MPDZ: variants seen among roughly 807,000 people sequenced by gnomAD.
MPDZ encodes the protein multiple PDZ domain protein.
A neutral mutation model predicts 239.1 loss-of-function variants in MPDZ; 234 were observed. The ratio of observed to expected loss-of-function variants is 0.98; its 90% CI spans 0.88 to 1.09. MPDZ has a LOEUF of 1.09. Ranked by LOEUF, MPDZ falls within the 50% of genes least tolerant of loss-of-function variation. The pLI is 0.00. For missense variants in MPDZ, 3,175 were observed against 2,510.0 expected, an observed-to-expected ratio of 1.26 and a Z score of -5.66; for synonymous variants, 1,048 against 881.3, an observed-to-expected ratio of 1.19 and a Z score of -3.35.
At chr9:13,233,362 A>C (rs553683579) in intron 3 of MPDZ, among the ~76,000 whole-genome samples, 1 of 152,154 alleles carries the variant, frequency 6.6e-6, no homozygotes, top group Non-Finnish European at 1.5e-5. Context: ...CTACACATAC[A>C]ATACAAATGA....
chr9:13,227,837 G>C, intron 3 of MPDZ, among the ~76,000 whole-genome samples: 1 of 152,104 alleles, frequency 6.6e-6, no homozygotes, highest in East Asian at 1.9e-4. Flanking sequence ...AGAGGTTATA[G>C]AGATCACATA....
chr9:13,155,927 G>GT (rs1296910627), intron 24 of MPDZ, among the ~76,000 whole-genome samples: 1 of 152,132 alleles, frequency 6.6e-6, no homozygotes, highest in Non-Finnish European at 1.5e-5. Flanking sequence ...TATTCTTCAC[G>GT]TAAGGTTGTT....
intron 27 of MPDZ, among the ~76,000 whole-genome samples, chr9:13,140,506 T>C: frequency 6.7e-6 from 1 of 149,440 alleles, no homozygotes; most frequent in African/African-American, 2.4e-5. Flanking sequence ...TATGTATATA[T>C]ATAGATAGAT....
At chr9:13,240,990 A>G (rs1204382167) in intron 3 of MPDZ, among the ~76,000 whole-genome samples, 1 of 152,212 alleles carries the variant, frequency 6.6e-6, no homozygotes. Context: ...ATGCATAGCC[A>G]ATAGCAAGAT....
At chr9:13,243,459 T>A (rs770816755) in intron 3 of MPDZ, among the ~76,000 whole-genome samples, 4 of 152,160 alleles carry the variant, frequency 2.6e-5, no homozygotes, top group Non-Finnish European at 2.9e-5. Context: ...ATGTGACTTT[T>A]TTTTTGGTCT....
At position 13,112,170 on chromosome 9, in the gene MPDZ, T is replaced by A. The variant is rs771068835; in HGVS notation, c.5602-24A>T. On this transcript the variant is annotated intron_variant, in intron 42 of 46. Coordinates refer to ENST00000319217, the MANE Select transcript of MPDZ (RefSeq NM_001378778.1). ...CCCTGCCATGGAACAGATATAAAAT[T>A]TTGGTCAAAGTGATATTTTTCATTG... is the stretch of plus-strand genomic sequence containing the variant. 3.1e-6 allele frequency: 5 copies of A among 1,589,048 alleles called. No homozygotes were observed. The East Asian group carries it at 9.0e-5, about 29-fold the overall frequency.
At chr9:13,181,034 T>C (rs190084013) in intron 19 of MPDZ, among the ~76,000 whole-genome samples, 3 of 152,234 alleles carry the variant, frequency 2.0e-5, no homozygotes, top group South Asian at 2.1e-4. Context: ...TCTGGTAGTA[T>C]ACCTGACGAA....
chr9:13,159,042 G>A (rs1263312635), intron 23 of MPDZ, among the ~76,000 whole-genome samples: 4 of 152,242 alleles, frequency 2.6e-5, no homozygotes, highest in African/African-American at 9.6e-5. Flanking sequence ...TACAGAAACT[G>A]AAGAATCAAA....
At chr9:13,217,432 G>A (rs1270707606) in intron 8 of MPDZ, 138 bp from the exon 9 acceptor site, 2 of 604,876 alleles carry the variant, frequency 3.3e-6, no homozygotes, top group Non-Finnish European at 5.7e-6. Flanking sequence ...AATTATAGCA[G>A]AGACGATTCC....
chr9:13,203,247 A>C (rs1263195594), intron 12 of MPDZ, among the ~76,000 whole-genome samples: 1 of 152,188 alleles, frequency 6.6e-6, no homozygotes, highest in Non-Finnish European at 1.5e-5. Context: ...GGAAGCTTTG[A>C]ACTGATTCTG....
chr9:13,211,722 G>C (rs1999395), intron 10 of MPDZ, among the ~76,000 whole-genome samples: 61,565 of 151,852 alleles, frequency 0.41, 13,995 homozygotes, highest in African/African-American at 0.61. Context: ...TATCACAACA[G>C]ACCTACATGT....
chr9:13,188,416 T>C (rs1213652211), intron 17 of MPDZ, among the ~76,000 whole-genome samples: 1 of 151,776 alleles, frequency 6.6e-6, no homozygotes, highest in African/African-American at 2.4e-5. Context: ...CAGGAGGTCT[T>C]AGGAGGCAGG....
At position 13,239,203 on chromosome 9, in the gene MPDZ, T is replaced by A. The variant is rs1452266177; in HGVS notation, c.183+8432A>T. Among the ~76,000 whole-genome samples the A allele has an allele frequency of 2.6e-5, 4 of 152,252 alleles. No individual in the cohort carries two copies. In the South Asian group the frequency reaches 6.2e-4, roughly 24 times the overall value. On this transcript the variant is annotated intron_variant, in intron 3 of 46. Coordinates refer to ENST00000319217, the MANE Select transcript of MPDZ (RefSeq NM_001378778.1). The stretch of plus-strand genomic sequence containing the variant: ...TAGACCACGCTGCCACAATCTGAGA[T>A]CAGATAATCATAAGAAGCCCTCAAA...
intron 25 of MPDZ, among the ~76,000 whole-genome samples, chr9:13,148,650 A>T (rs919137446): frequency 6.6e-6 from 1 of 152,014 alleles, no homozygotes; most frequent in South Asian, 2.1e-4. Flanking sequence ...TATGTCTACT[A>T]TATATTCCAT....
chr9:13,183,677 T>A (rs1476902293), intron 18 of MPDZ, 92 bp from the exon 19 acceptor site: 5 of 1,203,758 alleles, frequency 4.2e-6, no homozygotes, highest in Non-Finnish European at 6.0e-6. Context: ...CAAACTGGTA[T>A]CATTCTTTTA....
intron 1 of MPDZ, among the ~76,000 whole-genome samples, chr9:13,271,713 G>T (rs1347449801): frequency 6.6e-6 from 1 of 152,076 alleles, no homozygotes; most frequent in Non-Finnish European, 1.5e-5. Context: ...ACAAAACCAA[G>T]AATGAATACG....
chr9:13,243,724 A>G (rs1437098241), intron 3 of MPDZ, among the ~76,000 whole-genome samples: 1 of 152,218 alleles, frequency 6.6e-6, no homozygotes, highest in Non-Finnish European at 1.5e-5. Context: ...GAGTTGTCAT[A>G]AAATTTCCAA....
At chr9:13,173,153 G>A (rs957320880) in intron 21 of MPDZ, among the ~76,000 whole-genome samples, 2 of 152,154 alleles carry the variant, frequency 1.3e-5, no homozygotes, top group East Asian at 1.9e-4. Flanking sequence ...TGGATACAGC[G>A]TTTCAATTGG....
At chr9:13,263,444 C>CG (rs1469045482) in intron 1 of MPDZ, among the ~76,000 whole-genome samples, 2 of 149,776 alleles carry the variant, frequency 1.3e-5, no homozygotes, top group Non-Finnish European at 1.5e-5. Context: ...CTAACTTATT[C>CG]GGGAAAAAAT....
Sources: gnomAD v4.1 joint callset for allele counts (sites outside exome capture counted in the v4.1 genomes callset) on GRCh38, gnomAD v4.1.1 for gene constraint, MANE v1.5 for transcripts, NCBI Gene and HGNC (gene_info 2026-07-23, HGNC 2026-07-21) for gene names.